Variants in OAS2 observed in about 807,000 individuals in gnomAD.
The protein encoded by OAS2 is 2'-5'-oligoadenylate synthetase 2, also known as 2'-5'-oligoadenylate synthase 2.
A neutral mutation model predicts 71.3 loss-of-function variants in OAS2; 67 were observed. That is an observed-to-expected ratio of 0.94 (90% confidence interval 0.77 to 1.15). The LOEUF is 1.15. Ranked by LOEUF, OAS2 falls within the 50% of genes most tolerant of loss-of-function variation. OAS2 has a pLI of 0.00. For missense variants in OAS2, 789 were observed against 822.5 expected (o/e 0.96, Z 0.50); for synonymous variants, 327 against 321.8 (o/e 1.02, Z -0.17).
chr12:112,998,244 T>C, intron 4 of OAS2, 22 bp from the exon 5 acceptor site: 1 of 1,604,910 alleles, frequency 6.2e-7, no homozygotes. Flanking sequence ...ACTGACTTTT[T>C]TTAATCTAAT....
At position 113,010,552 on chromosome 12, in the gene OAS2, C is replaced by A; in HGVS notation, c.*1297C>A. ...GAAAGAGTCACTCACATCCATTCTT[C>A]CCTTGATGGTCCCTATTCCTCCTTC... is the stretch of plus-strand genomic sequence containing the variant. On this transcript the variant is annotated 3_prime_UTR_variant, in exon 10 of 10. Transcript: ENST00000392583. 6.3e-7 allele frequency: 1 copy of A among 1,580,634 alleles called. No individual in the cohort carries two copies. The highest frequency in any genetic ancestry group is 8.6e-7 in the Non-Finnish European group (1 of 1,168,412).
At chr12:113,002,504 G>A (rs528600001) in intron 5 of OAS2, among the ~76,000 whole-genome samples, 1 of 152,354 alleles carries the variant, frequency 6.6e-6, no homozygotes, top group East Asian at 1.9e-4. Context: ...CTTAAGAAAG[G>A]AATGGATGTG....
At chr12:113,001,190 T>C (rs998118925) in intron 5 of OAS2, among the ~76,000 whole-genome samples, 1 of 151,068 alleles carries the variant, frequency 6.6e-6, no homozygotes, top group African/African-American at 2.4e-5. Context: ...CAAAAATAAA[T>C]AAATAAATTA....
chr12:113,004,872 A>G, intron 6 of OAS2, 62 bp from the exon 7 acceptor site: 1 of 1,564,734 alleles, frequency 6.4e-7, no homozygotes. Flanking sequence ...GTGCCAGCCC[A>G]CGGGGGCACG....
At chr12:112,988,874 C>G in intron 2 of OAS2, 1 of 323,078 alleles carries the variant, frequency 3.1e-6, no homozygotes, top group Non-Finnish European at 4.5e-6. Context: ...TGAATCAGGA[C>G]CCTCTTTTCC....
intron 2 of OAS2, among the ~76,000 whole-genome samples, chr12:112,991,146 C>T (rs2044188196): frequency 6.6e-6 from 1 of 152,218 alleles, no homozygotes; most frequent in African/African-American, 2.4e-5. Context: ...GCTAGCTCAA[C>T]TTGAGACTTT....
intron 1 of OAS2, among the ~76,000 whole-genome samples, chr12:112,985,433 A>C (rs954198579): frequency 6.6e-6 from 1 of 152,184 alleles, no homozygotes; most frequent in Non-Finnish European, 1.5e-5. Context: ...GACCTAGTCT[A>C]TTGTTAAAGC....
intron 2 of OAS2, among the ~76,000 whole-genome samples, chr12:112,991,759 T>C (rs1264823805): frequency 1.3e-5 from 2 of 152,222 alleles, no homozygotes; most frequent in East Asian, 3.8e-4. Context: ...CCGAGTGATT[T>C]TGGGGCCCCA....
chr12:112,978,545 C>T lies in OAS2; in HGVS notation c.-64C>T. 6.4e-7 allele frequency: 1 copy of T among 1,565,994 alleles called. No individual in the cohort carries two copies. Among genetic ancestry groups the T allele is most frequent in the Non-Finnish European group, 8.8e-7 (1 of 1,138,884 alleles). On this transcript the variant is annotated 5_prime_UTR_variant, in exon 1 of 10. Coordinates refer to ENST00000392583, the MANE Select transcript of OAS2 (RefSeq NM_002535.3). This position sits in a 1 kb window ranked among gnomAD's most constrained non-coding sequence, Gnocchi z 4.2. ...GTTTCAGTTTCCTGGCTCTGGGCAG[C>T]AGCAAGAATTCCTCTGCCTCCCATC...
At chr12:113,006,946 C>T (rs964196061) in intron 8 of OAS2, among the ~76,000 whole-genome samples, 8 of 152,190 alleles carry the variant, frequency 5.3e-5, no homozygotes, top group Admixed American at 5.2e-4. Flanking sequence ...CGCACATGCT[C>T]TCTCTCAGAA....
chr12:112,983,894 A>G (rs554580410), intron 1 of OAS2, among the ~76,000 whole-genome samples: 18 of 152,332 alleles, frequency 1.2e-4, no homozygotes, highest in African/African-American at 4.3e-4. Context: ...TATCCTGGAG[A>G]ACATTCCCTG....
At chr12:112,985,616 A>G (rs2044127770) in intron 1 of OAS2, among the ~76,000 whole-genome samples, 2 of 152,162 alleles carry the variant, frequency 1.3e-5, no homozygotes, top group Non-Finnish European at 2.9e-5. Context: ...GAATTTCTTT[A>G]ATATCATGGT....
At chr12:112,994,993 T>G (rs1282796541) in intron 2 of OAS2, among the ~76,000 whole-genome samples, 2 of 152,258 alleles carry the variant, frequency 1.3e-5, no homozygotes, top group Non-Finnish European at 2.9e-5. Flanking sequence ...TGCTCCCTAC[T>G]AATTTGGATA....
chr12:112,988,095 G>A (rs556612055), intron 2 of OAS2: 3 of 985,270 alleles, frequency 3.0e-6, no homozygotes, highest in Non-Finnish European at 3.6e-6. Context: ...TATAATTGCA[G>A]AATATTTAAG....
intron 5 of OAS2, among the ~76,000 whole-genome samples, chr12:113,000,674 A>C (rs2044277870): frequency 6.6e-6 from 1 of 151,192 alleles, no homozygotes; most frequent in Admixed American, 6.6e-5. Context: ...ACACACATGC[A>C]CACATGCACT....
chr12:112,978,832 C>T lies in OAS2; in HGVS notation c.177+47C>T, dbSNP rs375911256. 3.8e-6 allele frequency: 6 copies of T among 1,563,212 alleles called. No individual in the cohort carries two copies. The highest frequency in any genetic ancestry group is 1.9e-5 in the Admixed American group (1 of 52,570). ...GGTCTCTGGGAGGCAGGAGATTCCA[C>T]GGCGGCAGCAAGGCCGAGCTACTGG... On this transcript the variant is annotated intron_variant, in intron 1 of 9. Coordinates refer to ENST00000392583, the MANE Select transcript of OAS2 (RefSeq NM_002535.3). This position sits in a 1 kb window ranked among gnomAD's most constrained non-coding sequence, Gnocchi z 4.2.
At position 112,998,287 on chromosome 12, in the gene OAS2, T is replaced by G. The variant is rs750598048; in HGVS notation, c.885T>G (p.Val295=). ...ACAGGCCAGTAATCTTGGATCCAGTTGACCCAACCAATAATGTGAGTGGAG... is the reference window on the plus strand; with the variant it reads ...ACAGGCCAGTAATCTTGGATCCAGTGGACCCAACCAATAATGTGAGTGGAG... ...QSARPVILDP[V]DPTNNVSGDK... Residue 295 remains valine, a synonymous_variant, in exon 5 of 10, where the codon GTT becomes GTG. Coordinates refer to ENST00000392583, the MANE Select transcript of OAS2 (RefSeq NM_002535.3). 4.3e-6 allele frequency: 7 copies of G among 1,613,032 alleles called. No homozygotes were observed. In the African/African-American group the frequency reaches 6.7e-5, roughly 15 times the overall value.
chr12:112,988,853 C>G (rs1183778541), intron 2 of OAS2: 2 of 463,168 alleles, frequency 4.3e-6, no homozygotes, highest in South Asian at 9.2e-5. Flanking sequence ...CAAGAACCCT[C>G]TCTTGGGATC....
rs903410830 is a variant in OAS2, at chr12:113,005,033, G to A, written c.1279G>A (p.Glu427Lys). Residue 427 changes from glutamate to lysine, a missense_variant, in exon 7 of 10, where the codon GAG becomes AAG. Physicochemically the swap from Glu to Lys is moderately conservative, Grantham distance 56. Coordinates refer to ENST00000392583, the MANE Select transcript of OAS2 (RefSeq NM_002535.3). ...SLKSYTSQKNERHKIVKEIHE... is the reference protein window; with the variant it reads ...SLKSYTSQKNKRHKIVKEIHE... Reference sequence around the variant, plus strand: ...TAAAAGCTACACCTCCCAAAAAAACGAGCGGCACAAAATCGTCAAGGAAAT... The same window carrying A: ...TAAAAGCTACACCTCCCAAAAAAACAAGCGGCACAAAATCGTCAAGGAAAT... 6 of 1,614,122 alleles carry A rather than the reference G, an allele frequency of 3.7e-6. No individual in the cohort carries two copies. The East Asian group carries it at 6.7e-5, about 18-fold the overall frequency.
Sources: gnomAD v4.1 joint callset for allele counts (sites outside exome capture counted in the v4.1 genomes callset) on GRCh38, gnomAD v4.1.1 for gene constraint, Gnocchi (gnomAD v3.1) non-coding constraint, MANE v1.5 for transcripts, NCBI Gene and HGNC (gene_info 2026-07-23, HGNC 2026-07-21) for gene names.